SLC8A1: variants seen among roughly 807,000 people sequenced by gnomAD.
SLC8A1 encodes sodium/calcium exchanger 1.
A neutral mutation model predicts 68.3 loss-of-function variants in SLC8A1; 18 were observed. That is an observed-to-expected ratio of 0.26 (90% CI 0.18 to 0.39). SLC8A1 has a LOEUF of 0.39. SLC8A1 is among the 10% of genes least tolerant of loss of function. The probability of loss-of-function intolerance (pLI) is 1.00; values close to 1 mark genes in which losing one functional copy is unlikely to be tolerated. For missense variants in SLC8A1, 985 were observed against 1,156.7 expected, an observed-to-expected ratio of 0.85 and a Z score of 2.15; for synonymous variants, 475 against 415.5, an observed-to-expected ratio of 1.14 and a Z score of -1.74.
chr2:40,487,452 G>A (rs1705042951), intron 1 of SLC8A1, among the ~76,000 whole-genome samples: 1 of 151,950 alleles, frequency 6.6e-6, no homozygotes, highest in African/African-American at 2.4e-5. Context: ...GAGTCTAATT[G>A]GATTTCCTTT....
chr2:40,265,870 C>A (rs1168782422), intron 2 of SLC8A1, among the ~76,000 whole-genome samples: 1 of 152,038 alleles, frequency 6.6e-6, no homozygotes, highest in East Asian at 1.9e-4. Context: ...AAAAAAAAAT[C>A]TACTAGCAGC....
chr2:40,108,750 T>A (rs1219929059), exon 8 of SLC8A1: 1 of 152,170 alleles, frequency 6.6e-6, no homozygotes, highest in Non-Finnish European at 1.5e-5. Context: ...AAAAAGTGGT[T>A]ACATAGTTGG....
chr2:40,170,181 T>C, intron 4 of SLC8A1, 100 bp downstream of exon 7: 3 of 1,038,682 alleles, frequency 2.9e-6, no homozygotes, highest in South Asian at 1.4e-5. Flanking sequence ...TTTAGCAATG[T>C]TTTACAGAGG....
intron 2 of SLC8A1, among the ~76,000 whole-genome samples, chr2:40,288,186 T>C (rs765942524): frequency 2.0e-5 from 3 of 152,122 alleles, no homozygotes; most frequent in African/African-American, 7.2e-5. Flanking sequence ...TAAAAACAAA[T>C]AATAGACCCC....
chr2:40,210,928 A>G (rs1428579), intron 2 of SLC8A1, among the ~76,000 whole-genome samples: 67,217 of 152,148 alleles, frequency 0.44, 16,842 homozygotes, highest in Non-Finnish European at 0.58. Context: ...ACATGCAATT[A>G]TAAAAGAAGA....
At chr2:40,379,918 G>A (rs1681173264) in intron 2 of SLC8A1, among the ~76,000 whole-genome samples, 1 of 152,022 alleles carries the variant, frequency 6.6e-6, no homozygotes, top group African/African-American at 2.4e-5. Flanking sequence ...TTGCCAATAT[G>A]GAGCCATTAG....
At chr2:40,356,307 T>A (rs75954624) in intron 2 of SLC8A1, among the ~76,000 whole-genome samples, 3,138 of 152,304 alleles carry the variant, frequency 0.021, 45 homozygotes, top group Middle Eastern at 0.068. Flanking sequence ...ACATAGGAAG[T>A]ACTCAGATTT....
At chr2:40,287,725 G>C (rs1047341714) in intron 2 of SLC8A1, among the ~76,000 whole-genome samples, 2 of 151,782 alleles carry the variant, frequency 1.3e-5, no homozygotes, top group African/African-American at 2.4e-5. Context: ...TAGGGACTCA[G>C]GGATGGGAAA....
chr2:40,475,623 T>G (rs1408424053), intron 1 of SLC8A1, among the ~76,000 whole-genome samples: 1 of 152,080 alleles, frequency 6.6e-6, no homozygotes, highest in African/African-American at 2.4e-5. Context: ...TACATATACA[T>G]ACATGTACAC....
intron 5 of SLC8A1, among the ~76,000 whole-genome samples, chr2:40,163,530 A>C (rs987539247): frequency 6.6e-6 from 1 of 152,208 alleles, no homozygotes; most frequent in African/African-American, 2.4e-5. Context: ...ATGGGTCACC[A>C]GAAATGGACA....
At chr2:40,487,938 G>A (rs532236027) in intron 1 of SLC8A1, among the ~76,000 whole-genome samples, 1 of 152,200 alleles carries the variant, frequency 6.6e-6, no homozygotes, top group South Asian at 2.1e-4. Flanking sequence ...CCACTTCATG[G>A]AAAAACGATA....
At chr2:40,264,843 GTA>G (rs943074230) in intron 2 of SLC8A1, among the ~76,000 whole-genome samples, 1 of 55,136 alleles carries the variant, frequency 1.8e-5, no homozygotes, top group African/African-American at 8.6e-5. Flanking sequence ...AAAACTTAAA[GTA>G]TAAAAAAAAA....
At chr2:40,377,563 C>T (rs1465995883) in intron 2 of SLC8A1, among the ~76,000 whole-genome samples, 1 of 151,568 alleles carries the variant, frequency 6.6e-6, no homozygotes, top group Admixed American at 6.6e-5. Context: ...CAACTCACAG[C>T]CCTAGAGCAG....
chr2:40,305,801 T>C (rs1019309183), intron 2 of SLC8A1, among the ~76,000 whole-genome samples: 4 of 152,316 alleles, frequency 2.6e-5, no homozygotes, highest in Non-Finnish European at 4.4e-5. Context: ...ATAATGAAGA[T>C]AGAGTATAGA....
chr2:40,341,035 C>T (rs377355707), intron 2 of SLC8A1, among the ~76,000 whole-genome samples: 7 of 152,138 alleles, frequency 4.6e-5, no homozygotes, highest in Admixed American at 6.5e-5. Context: ...TTTGAAGGAA[C>T]GGATGCTTAA....
chr2:40,403,626 G>A (rs923834816), intron 2 of SLC8A1, among the ~76,000 whole-genome samples: 3 of 152,182 alleles, frequency 2.0e-5, no homozygotes, highest in Non-Finnish European at 2.9e-5. Context: ...CAGTAGTCTG[G>A]AAGACCTTGC....
chr2:40,351,300 A>G (rs61377059), intron 2 of SLC8A1, among the ~76,000 whole-genome samples: 2,412 of 152,248 alleles, frequency 0.016, 71 homozygotes, highest in African/African-American at 0.055. Context: ...TGGATGATAC[A>G]TGATTCCTGA....
chr2:40,223,618 C>T (rs1465180216), intron 2 of SLC8A1: 2 of 151,996 alleles, frequency 1.3e-5, no homozygotes, highest in Non-Finnish European at 2.9e-5. Context: ...TATTCCTTTT[C>T]TTTCTCCCTA....
chr2:40,205,486 C>G (rs1029988998), intron 2 of SLC8A1, among the ~76,000 whole-genome samples: 28 of 151,898 alleles, frequency 1.8e-4, no homozygotes, highest in African/African-American at 6.8e-4. Context: ...CAGTCTATCA[C>G]TGACTTTGCA....
Sources: allele counts gnomAD v4.1 joint callset (sites outside exome capture counted in the v4.1 genomes callset), GRCh38; gene constraint gnomAD v4.1.1; transcripts MANE v1.5; gene names NCBI Gene and HGNC (gene_info 2026-07-23, HGNC 2026-07-21).